Variants in GRID2 observed in about 807,000 individuals in gnomAD.
GRID2 encodes the protein glutamate receptor ionotropic, delta-2.
Under a neutral mutation model 114.8 loss-of-function variants are expected in GRID2, and 33 were observed. That is an observed-to-expected ratio of 0.29 (90% CI 0.22 to 0.38). GRID2 has a LOEUF of 0.38. Among genes scored for constraint, GRID2 ranks in the 10% least tolerant of loss-of-function variants. The pLI is 1.00. For missense variants in GRID2, 1,184 were observed against 1,257.7 expected (o/e 0.94, Z 0.89); for synonymous variants, 505 against 449.9 (o/e 1.12, Z -1.55).
At position 92,503,812 on chromosome 4, in the gene GRID2, G is replaced by A. The variant is rs1257888199; in HGVS notation, c.89-86319G>A. ...GGAAAGTTTTTCTACTTAATAAAGT[G>A]CCCAGGGATCTCTAACAGATCTATT... On this transcript the variant is annotated intron_variant, in intron 1 of 15. Transcript: ENST00000282020. 3.3e-5 allele frequency among the ~76,000 whole-genome samples: 5 copies of A among 152,170 alleles called. No homozygotes were observed. In the East Asian group the frequency reaches 9.7e-4, roughly 29 times the overall value.
chr4:93,770,380 T>C (rs1734011624), intron 15 of GRID2, among the ~76,000 whole-genome samples: 2 of 152,242 alleles, frequency 1.3e-5, no homozygotes, highest in Non-Finnish European at 2.9e-5. Context: ...AGGCAACTCC[T>C]GAAAGGATCT....
At chr4:92,747,942 C>T (rs193049027) in intron 2 of GRID2, among the ~76,000 whole-genome samples, 160 of 152,296 alleles carry the variant, frequency 1.1e-3, no homozygotes, top group Admixed American at 3.1e-3. Context: ...AGTCCCTATA[C>T]TAGAAGTTTC....
intron 13 of GRID2, among the ~76,000 whole-genome samples, chr4:93,598,473 G>C (rs1352637252): frequency 1.3e-5 from 2 of 151,998 alleles, no homozygotes; most frequent in African/African-American, 2.4e-5. Flanking sequence ...ACTCTAAGAG[G>C]TTTCTAATAG....
In GRID2 at chr4:92,685,412, G is replaced by A. The variant is rs533560704; in HGVS notation, c.244+95126G>A. On this transcript the variant is annotated intron_variant, in intron 2 of 15. Coordinates refer to ENST00000282020, the MANE Select transcript of GRID2 (RefSeq NM_001510.4). ...TTTACTTCCTGGAAGAATCAGGGAA[G>A]GATGAAGTGACATTTGTGCTGGAAT... is the stretch of plus-strand genomic sequence containing the variant. 1.0e-3 allele frequency among the ~76,000 whole-genome samples: 155 copies of A among 152,158 alleles called. 1 individual carries two copies. The highest frequency in any genetic ancestry group is 3.4e-3 in the African/African-American group (141 of 41,544).
intron 7 of GRID2, among the ~76,000 whole-genome samples, chr4:93,228,745 A>G (rs1205085364): frequency 1.3e-5 from 2 of 152,134 alleles, no homozygotes; most frequent in Non-Finnish European, 2.9e-5. Context: ...TTATTAATTC[A>G]TGGTTTGGCT....
rs527417148 is a variant in GRID2, at chr4:92,776,317, T to C, written c.244+186031T>C. ...GGGCAAATCTTGGGTCCCATAGATA[T>C]ATAGTATATAGTGAGTCGTATTTGC... On this transcript the variant is annotated intron_variant, in intron 2 of 15. Transcript: ENST00000282020. Among the ~76,000 whole-genome samples, 79 of 152,236 alleles carry C rather than the reference T, an allele frequency of 5.2e-4. No individual in the cohort carries two copies. In the Middle Eastern group the frequency reaches 0.017, roughly 33 times the overall value.
intron 4 of GRID2, among the ~76,000 whole-genome samples, chr4:93,140,203 G>A (rs1376024672): frequency 7.4e-6 from 1 of 134,652 alleles, no homozygotes; most frequent in Non-Finnish European, 1.5e-5. Context: ...CTGTCACCCA[G>A]GCTCGAGTGC....
At chr4:93,679,013 G>A (rs1269262302) in intron 14 of GRID2, among the ~76,000 whole-genome samples, 4 of 151,106 alleles carry the variant, frequency 2.6e-5, no homozygotes, top group Non-Finnish European at 5.9e-5. Context: ...ACCCATCAGT[G>A]TGCTGTATTC....
chr4:93,525,510 A>G (rs551442649), intron 13 of GRID2, among the ~76,000 whole-genome samples: 5 of 152,296 alleles, frequency 3.3e-5, no homozygotes, highest in South Asian at 4.1e-4. Flanking sequence ...AATAAGATGT[A>G]AAAAGAATAG....
At chr4:92,462,908 A>G (rs978887303) in intron 1 of GRID2, among the ~76,000 whole-genome samples, 2 of 151,988 alleles carry the variant, frequency 1.3e-5, no homozygotes, top group Admixed American at 6.6e-5. Flanking sequence ...CTTTCTTACT[A>G]TGAAAGACAC....
At chr4:92,860,368 G>A (rs775504581) in intron 2 of GRID2, among the ~76,000 whole-genome samples, 9 of 152,052 alleles carry the variant, frequency 5.9e-5, no homozygotes, top group East Asian at 1.9e-4. Flanking sequence ...TTTTAAAAGC[G>A]ATTTAATTTT....
chr4:93,496,913 G>A lies in GRID2; in HGVS notation c.1997+6136G>A, dbSNP rs182565824. Among the ~76,000 whole-genome samples the A allele has an allele frequency of 6.0e-4, 91 of 151,872 alleles. 1 individual carries two copies. The highest frequency in any genetic ancestry group is 6.8e-3 in the Middle Eastern group (2 of 294). On this transcript the variant is annotated intron_variant, in intron 12 of 15. Transcript: ENST00000282020. ...TAAATGCCCAGGAATACAATTGCTCGGTCATGTGTTAAGTATATATTTGTT... is the reference window on the plus strand; with the variant it reads ...TAAATGCCCAGGAATACAATTGCTCAGTCATGTGTTAAGTATATATTTGTT...
At chr4:93,696,100 A>C (rs916409275) in intron 14 of GRID2, among the ~76,000 whole-genome samples, 2 of 152,230 alleles carry the variant, frequency 1.3e-5, no homozygotes, top group Admixed American at 6.5e-5. Flanking sequence ...TCTATTTCCA[A>C]AGGTAACATA....
At chr4:92,530,591 A>T (rs1383702446) in intron 1 of GRID2, among the ~76,000 whole-genome samples, 4 of 151,326 alleles carry the variant, frequency 2.6e-5, no homozygotes, top group Non-Finnish European at 5.9e-5. Context: ...TTATTTGTCC[A>T]AGTTAACTTT....
At chr4:92,538,969 G>C (rs536579990) in intron 1 of GRID2, among the ~76,000 whole-genome samples, 2 of 151,424 alleles carry the variant, frequency 1.3e-5, no homozygotes. Flanking sequence ...GTGAGCCTGG[G>C]AGGCGCAGCT....
chr4:92,821,702 C>A (rs974279960), intron 2 of GRID2, among the ~76,000 whole-genome samples: 1 of 152,030 alleles, frequency 6.6e-6, no homozygotes, highest in Admixed American at 6.6e-5. Context: ...CAATAAGGCA[C>A]CATAAAAGCT....
intron 8 of GRID2, among the ~76,000 whole-genome samples, chr4:93,393,648 A>G (rs1167441349): frequency 1.3e-5 from 2 of 151,932 alleles, no homozygotes; most frequent in South Asian, 2.1e-4. Context: ...TTAAAAGAAA[A>G]CATCATTCTG....
At chr4:93,606,094 C>G (rs1376126230) in intron 13 of GRID2, among the ~76,000 whole-genome samples, 1 of 151,908 alleles carries the variant, frequency 6.6e-6, no homozygotes, top group South Asian at 2.1e-4. Context: ...TGGTGATACC[C>G]CATCTCTACT....
intron 4 of GRID2, among the ~76,000 whole-genome samples, chr4:93,184,507 C>CAAA (rs1170737672): frequency 2.5e-5 from 2 of 79,546 alleles, no homozygotes; most frequent in Non-Finnish European, 2.9e-5. Flanking sequence ...TATTATTTCT[C>CAAA]AAAAAAAAAA....
Sources: allele counts gnomAD v4.1 joint callset (sites outside exome capture counted in the v4.1 genomes callset), GRCh38; gene constraint gnomAD v4.1.1; transcripts MANE v1.5; gene names NCBI Gene and HGNC (gene_info 2026-07-23, HGNC 2026-07-21).